USP38: variants seen among roughly 807,000 people sequenced by gnomAD.
USP38 encodes ubiquitin specific peptidase 38.
Under a neutral mutation model 94.3 loss-of-function variants are expected in USP38, and 49 were observed. The observed-to-expected ratio is 0.52, with a 90% CI of 0.41 to 0.66. The LOEUF is 0.66. Ranked by LOEUF, USP38 falls within the 30% of genes least tolerant of loss-of-function variation. USP38 has a pLI of 0.00. For missense variants in USP38, 1,128 were observed against 1,229.4 expected (o/e 0.92, Z 1.23); for synonymous variants, 468 against 463.6 (o/e 1.01, Z -0.12).
intron 9 of USP38, among the ~76,000 whole-genome samples, chr4:143,216,832 A>C (rs2149613730): frequency 6.6e-6 from 1 of 150,946 alleles, no homozygotes; most frequent in African/African-American, 2.5e-5. Flanking sequence ...ATTTATTGAC[A>C]CAGAGTCTCG....
rs536612146 is a variant in USP38 at position 143,223,795 on chromosome 4, A to G, written c.*3339A>G. ...TTTCAAAAATACTGTACATTTATAT[A>G]TAGTATTTTTTCTCATAAAAATGTG... On this transcript the variant is annotated 3_prime_UTR_variant, in exon 10 of 10. Coordinates refer to ENST00000307017, the MANE Select transcript of USP38 (RefSeq NM_032557.6). 3.9e-5 allele frequency: 6 copies of G among 152,188 alleles called. No homozygotes were observed. The highest frequency in any genetic ancestry group is 1.4e-4 in the African/African-American group (6 of 41,576). The allele number at this position is 152,188 out of a possible 1,614,324, so 9.4% of individuals were successfully genotyped here. A position where few individuals can be genotyped will look rare whatever the true frequency, so the allele number is the denominator to read the frequency against.
At chr4:143,203,656 T>C in intron 5 of USP38, 90 bp downstream of exon 5, 1 of 1,337,926 alleles carries the variant, frequency 7.5e-7, no homozygotes. Flanking sequence ...TTTACTATTT[T>C]ATGGTAATAT....
intron 7 of USP38, 61 bp from the exon 8 acceptor site, chr4:143,212,257 C>T: frequency 7.4e-7 from 1 of 1,357,596 alleles, no homozygotes; most frequent in Non-Finnish European, 1.0e-6. Context: ...ATTAAGATTT[C>T]AGTTACTTGG....
intron 7 of USP38, among the ~76,000 whole-genome samples, chr4:143,210,315 G>A (rs921616556): frequency 7.2e-5 from 11 of 152,264 alleles, no homozygotes; most frequent in African/African-American, 2.2e-4. Flanking sequence ...TTGGCCAGGC[G>A]CAGTGGCTCA....
Position 143,187,426 on chromosome 4 carries a change from TA to T in USP38, c.683-398del, listed in dbSNP as rs1332136843. 3.3e-5 allele frequency among the ~76,000 whole-genome samples: 5 copies of T among 152,064 alleles called. No individual in the cohort carries two copies. In the South Asian group the frequency reaches 1.0e-3, roughly 32 times the overall value. Reference sequence around the variant, plus strand: ...TTCCTTAGAGGGATGTAATGATCAATAAGTTTAAAGTTATTTTGGAGGGTCT... The same window carrying T: ...TTCCTTAGAGGGATGTAATGATCAATAGTTTAAAGTTATTTTGGAGGGTCT... On this transcript the variant is annotated intron_variant, in intron 1 of 9. Transcript: ENST00000307017.
Position 143,220,657 on chromosome 4 carries a change from TC to T in USP38, c.*203del, listed in dbSNP as rs368514585. The T allele has an allele frequency of 1.6e-3, 816 of 514,832 alleles. 6 individuals carry two copies. Among genetic ancestry groups the T allele is most frequent in the African/African-American group, 0.015 (753 of 50,400 alleles). The allele number at this position is 514,832 out of a possible 1,614,324, so 31.9% of individuals were successfully genotyped here. A position where few individuals can be genotyped will look rare whatever the true frequency, so the allele number is the denominator to read the frequency against. Reference sequence around the variant, plus strand: ...GAAAAAAAAATCTACCTCTTAAAATTCCATTTGCTTTTATGGTTAGACATGC... The same window carrying T: ...GAAAAAAAAATCTACCTCTTAAAATTCATTTGCTTTTATGGTTAGACATGC... On this transcript the variant is annotated 3_prime_UTR_variant, in exon 10 of 10. Transcript: ENST00000307017.
At position 143,206,065 on chromosome 4, in the gene USP38, G is replaced by A. The variant is rs1385265741; in HGVS notation, c.1242G>A (p.Lys414=). ...DFPKPSEEKI[K]LILNQSAWTS... ...CTAAGCCCAGTGAAGAGAAGATTAAGTTAATTCTCAATCAAAGTGCCTGGA... is the reference window on the plus strand; with the variant it reads ...CTAAGCCCAGTGAAGAGAAGATTAAATTAATTCTCAATCAAAGTGCCTGGA... Residue 414 remains lysine, a synonymous_variant, in exon 6 of 10, where the codon AAG becomes AAA. Transcript: ENST00000307017. 3.1e-6 allele frequency: 5 copies of A among 1,611,530 alleles called. No individual in the cohort carries two copies. Among genetic ancestry groups the A allele is most frequent in the African/African-American group, 1.3e-5 (1 of 74,824 alleles).
At chr4:143,188,982 A>C (rs150177934) in intron 2 of USP38, among the ~76,000 whole-genome samples, 5 of 152,196 alleles carry the variant, frequency 3.3e-5, no homozygotes, top group African/African-American at 1.2e-4. Flanking sequence ...TTGATTAAAT[A>C]TGATAAGTAA....
At position 143,205,913 on chromosome 4, in the gene USP38, G is replaced by C. The variant is rs538088477; in HGVS notation, c.1210-120G>C. ...GTACTGCCAGTTACTTCAAAACTAA[G>C]TGGGGGAAAAGAAAGTTCAAATGTC... On this transcript the variant is annotated intron_variant, in intron 5 of 9. Transcript: ENST00000307017. 2.8e-5 allele frequency: 20 copies of C among 711,398 alleles called. No individual in the cohort carries two copies. In the East Asian group the frequency reaches 5.3e-4, roughly 19 times the overall value. 44.1% of individuals were successfully genotyped at this position (711,398 alleles called of 1,614,324 possible).
chr4:143,186,230 C>A (rs1392021198), intron 1 of USP38, 98 bp downstream of exon 1: 2 of 1,294,054 alleles, frequency 1.5e-6, no homozygotes, highest in African/African-American at 1.5e-5. Context: ...GCCCTAAAAA[C>A]ATTCTTAAGC....
intron 5 of USP38, among the ~76,000 whole-genome samples, chr4:143,205,532 C>G (rs999087344): frequency 6.6e-6 from 1 of 152,066 alleles, no homozygotes; most frequent in African/African-American, 2.4e-5. Flanking sequence ...GCTTTCATTT[C>G]TCATTTCTTA....
intron 4 of USP38, among the ~76,000 whole-genome samples, chr4:143,199,450 G>A (rs1485580299): frequency 1.3e-5 from 2 of 152,100 alleles, no homozygotes; most frequent in African/African-American, 2.4e-5. Flanking sequence ...GAACATTCAT[G>A]TGCATGTATC....
chr4:143,203,979 C>G (rs1731790063), intron 5 of USP38, among the ~76,000 whole-genome samples: 1 of 144,188 alleles, frequency 6.9e-6, no homozygotes, highest in African/African-American at 2.5e-5. Context: ...CCTTTTTAAT[C>G]TTTTTTTTTT....
At chr4:143,199,669 G>A (rs1731654594) in intron 4 of USP38, among the ~76,000 whole-genome samples, 1 of 151,984 alleles carries the variant, frequency 6.6e-6, no homozygotes, top group Admixed American at 6.6e-5. Context: ...TTTAATGATA[G>A]CCATTCTGAC....
intron 3 of USP38, 101 bp downstream of exon 3, chr4:143,195,946 T>C (rs1726179157): frequency 8.8e-7 from 1 of 1,133,466 alleles, no homozygotes. Context: ...TTGAATATGT[T>C]ATTGTTGTTT....
Position 143,203,593 on chromosome 4 carries a change from G to T in USP38, c.1209+27G>T, listed in dbSNP as rs529524709. ...TATGATGATAGTTGTACCAATATTT[G>T]TGGAGTTGTGTTATATTAATAAGGT... On this transcript the variant is annotated intron_variant, in intron 5 of 9. Coordinates refer to ENST00000307017, the MANE Select transcript of USP38 (RefSeq NM_032557.6). The T allele has an allele frequency of 1.7e-5, 27 of 1,592,740 alleles. No homozygotes were observed. The East Asian group carries it at 6.1e-4, about 36-fold the overall frequency.
chr4:143,204,380 A>C (rs1445040216), intron 5 of USP38: 1 of 449,710 alleles, frequency 2.2e-6, no homozygotes, highest in Admixed American at 2.4e-5. Context: ...TTATATGGAA[A>C]TGGTTCTAAA....
In USP38 at chr4:143,185,041, T is replaced by C. The variant is rs755479535; in HGVS notation, c.-410T>C. On this transcript the variant is annotated 5_prime_UTR_variant, in exon 1 of 10. Transcript: ENST00000307017. Reference sequence around the variant, plus strand: ...CTTCTTCTCACGACCTGCTGGAGACTGGACGCCCACACCTGACCCGGAACT... The same window carrying C: ...CTTCTTCTCACGACCTGCTGGAGACCGGACGCCCACACCTGACCCGGAACT... The C allele has an allele frequency of 4.2e-4, 74 of 175,094 alleles. No individual in the cohort carries two copies. The highest frequency in any genetic ancestry group is 7.7e-4 in the Non-Finnish European group (65 of 83,938). 10.8% of individuals were successfully genotyped at this position (175,094 alleles called of 1,614,324 possible).
At position 143,197,813 on chromosome 4, in the gene USP38, T is replaced by TA; in HGVS notation, c.949-9dup. 1 of 1,599,098 alleles carries TA rather than the reference T, an allele frequency of 6.3e-7. No individual in the cohort carries two copies. Among genetic ancestry groups the TA allele is most frequent in the South Asian group, 1.1e-5 (1 of 89,656 alleles). On this transcript the variant is annotated splice_polypyrimidine_tract_variant and intron_variant, in intron 3 of 9. Transcript: ENST00000307017. ...AAATTCTTAAGAAGGTGTCTTGTCT[T>TA]ATTTTGAAGGTTTTTAATCGACTTT... is the stretch of plus-strand genomic sequence containing the variant.
Sources: gnomAD v4.1 joint callset for allele counts (sites outside exome capture counted in the v4.1 genomes callset) on GRCh38, gnomAD v4.1.1 for gene constraint, MANE v1.5 for transcripts, NCBI Gene and HGNC (gene_info 2026-07-23, HGNC 2026-07-21) for gene names.